Variants in ATG7 observed in about 807,000 individuals in gnomAD.
ATG7 encodes the protein autophagy related 7.
A neutral mutation model predicts 82.4 loss-of-function variants in ATG7; 70 were observed. The ratio of observed to expected loss-of-function variants is 0.85; its 90% CI spans 0.70 to 1.04. ATG7 has a LOEUF of 1.04. Ranked by LOEUF, ATG7 falls within the 50% of genes least tolerant of loss-of-function variation. ATG7 has a pLI of 0.00. For synonymous variants in ATG7, 287 were observed against 313.0 expected (o/e 0.92, Z 0.88); for missense variants, 792 against 864.3 (o/e 0.92, Z 1.05).
At chr3:11,518,556 AAG>A (rs2092348468) in intron 20 of ATG7, among the ~76,000 whole-genome samples, 1 of 151,954 alleles carries the variant, frequency 6.6e-6, no homozygotes, top group Admixed American at 6.6e-5. Context: ...AAAAAAAAAA[AAG>A]AAAAAAAAAA....
chr3:11,302,833 G>A (rs1947005014), intron 5 of ATG7, among the ~76,000 whole-genome samples: 1 of 152,160 alleles, frequency 6.6e-6, no homozygotes, highest in South Asian at 2.1e-4. Flanking sequence ...ATAGTCTTAT[G>A]GATCTCTAAG....
intron 13 of ATG7, among the ~76,000 whole-genome samples, chr3:11,347,163 T>G (rs1954677012): frequency 6.6e-6 from 1 of 152,244 alleles, no homozygotes; most frequent in Admixed American, 6.5e-5. Flanking sequence ...GATGTATCTC[T>G]TAGGCAAATC....
At chr3:11,553,350 G>A (rs1011570984) in intron 20 of ATG7, among the ~76,000 whole-genome samples, 3 of 152,246 alleles carry the variant, frequency 2.0e-5, no homozygotes, top group African/African-American at 7.2e-5. Flanking sequence ...TCTACACAGC[G>A]TGTGGCACAG....
intron 11 of ATG7, among the ~76,000 whole-genome samples, chr3:11,336,149 T>C (rs1271916267): frequency 2.0e-5 from 3 of 149,504 alleles, no homozygotes; most frequent in East Asian, 2.0e-4. Flanking sequence ...TTCTTCTGCC[T>C]CAGCCTCCTG....
chr3:11,396,528 T>C (rs2079291581), intron 19 of ATG7, among the ~76,000 whole-genome samples: 1 of 151,882 alleles, frequency 6.6e-6, no homozygotes, highest in Non-Finnish European at 1.5e-5. Flanking sequence ...TTTTTAAAAA[T>C]AGAAATTTAA....
chr3:11,474,313 A>G (rs2087876283), intron 20 of ATG7, among the ~76,000 whole-genome samples: 1 of 152,228 alleles, frequency 6.6e-6, no homozygotes, highest in African/African-American at 2.4e-5. Context: ...TTAAAATAAA[A>G]CAGAGGCTGG....
intron 14 of ATG7, among the ~76,000 whole-genome samples, chr3:11,349,555 T>C (rs1955142766): frequency 6.6e-6 from 1 of 152,112 alleles, no homozygotes; most frequent in African/African-American, 2.4e-5. Flanking sequence ...ATAATAATAA[T>C]AATAAATAAT....
At chr3:11,480,930 T>G (rs1027562845) in intron 20 of ATG7, among the ~76,000 whole-genome samples, 1 of 152,222 alleles carries the variant, frequency 6.6e-6, no homozygotes, top group Non-Finnish European at 1.5e-5. Flanking sequence ...CAAGAGGTCC[T>G]GGTCACAGCA....
the ATG7 span, chr3:11,568,706 C>CATG: frequency 6.5e-7 from 1 of 1,549,206 alleles, no homozygotes; most frequent in Non-Finnish European, 8.7e-7. The surrounding 1 kb of genome is among the most constrained non-coding windows in gnomAD (Gnocchi z 5.9). Flanking sequence ...GCTTCCCAGG[C>CATG]GTCATGTGCT....
At chr3:11,559,376 C>G, downstream of ATG7, 1 of 1,554,128 alleles carries the variant, frequency 6.4e-7, no homozygotes, top group Non-Finnish European at 8.7e-7. Context: ...CGCGGCACAG[C>G]CGCTGTGCGC....
At chr3:11,479,547 G>A (rs1394518698) in intron 20 of ATG7, among the ~76,000 whole-genome samples, 1 of 152,018 alleles carries the variant, frequency 6.6e-6, no homozygotes, top group Non-Finnish European at 1.5e-5. Context: ...AAGTCCACCA[G>A]CCCAGAATCA....
intron 20 of ATG7, among the ~76,000 whole-genome samples, chr3:11,521,558 T>TTTTTTTG (rs1491454067): frequency 7.3e-4 from 3 of 4,126 alleles, no homozygotes; most frequent in African/African-American, 1.1e-3. Context: ...GGTTTTTTTG[T>TTTTTTTG]TTTTTTTTTT....
At chr3:11,311,772 C>G (rs140211662) in intron 7 of ATG7, among the ~76,000 whole-genome samples, 1 of 152,100 alleles carries the variant, frequency 6.6e-6, no homozygotes, top group African/African-American at 2.4e-5. Context: ...CTAGACAGTT[C>G]ATTAATTTCA....
intron 14 of ATG7, among the ~76,000 whole-genome samples, chr3:11,351,928 T>C (rs1219983895): frequency 6.6e-6 from 1 of 151,878 alleles, no homozygotes; most frequent in Admixed American, 6.6e-5. Flanking sequence ...TGTATACATG[T>C]GCCATGTTGG....
downstream of ATG7, among the ~76,000 whole-genome samples, chr3:11,562,608 G>A (rs1205685803): frequency 6.6e-6 from 1 of 152,218 alleles, no homozygotes; most frequent in Non-Finnish European, 1.5e-5. Flanking sequence ...CCTCAGCAGG[G>A]CGCCCGAGCC....
chr3:11,393,665 A>G (rs1331879169), intron 19 of ATG7, among the ~76,000 whole-genome samples: 1 of 145,854 alleles, frequency 6.9e-6, no homozygotes, highest in African/African-American at 2.5e-5. Context: ...AGAGAATGAT[A>G]ATTTTTGATA....
intron 20 of ATG7, among the ~76,000 whole-genome samples, chr3:11,512,105 G>C (rs975941405): frequency 3.9e-5 from 6 of 152,208 alleles, no homozygotes; most frequent in Admixed American, 1.3e-4. Context: ...CCAGGCAGGG[G>C]AGGTGCCAAG....
rs184574765 is a variant in ATG7, at chr3:11,361,315, C to T, written c.1683+531C>T. Among the ~76,000 whole-genome samples, 973 of 144,418 alleles carry T rather than the reference C, an allele frequency of 6.7e-3. 10 individuals are homozygous for T. Among genetic ancestry groups the T allele is most frequent in the Non-Finnish European group, 8.7e-3 (580 of 66,476 alleles). 94.7% of individuals were successfully genotyped at this position (144,418 alleles called of 152,430 possible). On this transcript the variant is annotated intron_variant, in intron 16 of 20. Coordinates refer to ENST00000693202, the MANE Select transcript of ATG7 (RefSeq NM_001349232.2). ...TTTTTTTTTTTTTGAGACAGAGTTT[C>T]GCCCTGTCACCCAGGCTCGAGTGCA...
At chr3:11,326,286 G>GTTTT (rs60421306) in intron 9 of ATG7, among the ~76,000 whole-genome samples, 1 of 146,622 alleles carries the variant, frequency 6.8e-6, no homozygotes, top group Admixed American at 6.7e-5. Flanking sequence ...TGTAAATGCT[G>GTTTT]TTTTTTTTTT....
Sources: gnomAD v4.1 joint callset for allele counts (sites outside exome capture counted in the v4.1 genomes callset) on GRCh38, gnomAD v4.1.1 for gene constraint, Gnocchi (gnomAD v3.1) non-coding constraint, MANE v1.5 for transcripts, NCBI Gene and HGNC (gene_info 2026-07-23, HGNC 2026-07-21) for gene names.